The following KRT32 variants were observed in gnomAD, a reference collection of about 807,000 sequenced individuals.
The protein encoded by KRT32 is keratin 32, also known as keratin, type I cuticular Ha2.
A neutral mutation model predicts 41.8 loss-of-function variants in KRT32; 44 were observed. That is an observed-to-expected ratio of 1.05 (90% CI 0.83 to 1.35). The LOEUF is 1.35. Among genes scored for constraint, KRT32 ranks in the 40% most tolerant of loss-of-function variants. The pLI is 0.00. For synonymous variants in KRT32, 238 were observed against 242.5 expected (o/e 0.98, Z 0.17); for missense variants, 576 against 584.6 (o/e 0.99, Z 0.15).
Position 41,464,398 on chromosome 17 carries a change from C to T in KRT32, c.754G>A (p.Glu252Lys), listed in dbSNP as rs765403077. 5 of 1,603,160 alleles carry T rather than the reference C, an allele frequency of 3.1e-6. No individual in the cohort carries two copies. The highest frequency in any genetic ancestry group is 3.4e-6 in the Non-Finnish European group (4 of 1,174,618). ...RCQLGDRLNIEVDAAPPVDLT... is the reference protein window; with the variant it reads ...RCQLGDRLNIKVDAAPPVDLT... ...TCCACCGGGGGTGCAGCGTCCACCT[C>T]GATGTTAAGGCGGTCCCCAAGCTGG... The change falls in exon 4 of 7, where the codon GAG (glutamate) becomes AAG (lysine). Residue 252 changes from glutamate to lysine, a missense_variant. Coordinates refer to ENST00000225899, the MANE Select transcript of KRT32 (RefSeq NM_002278.3).
intron 1 of KRT32, among the ~76,000 whole-genome samples, 171 bp from the exon 2 acceptor site, chr17:41,466,347 G>A (rs2019068537): frequency 6.6e-6 from 1 of 152,220 alleles, no homozygotes; most frequent in African/African-American, 2.4e-5. Context: ...GCTAGTCCTT[G>A]GAGAACTTGA....
chr17:41,459,976 G>A lies in KRT32; in HGVS notation c.*134C>T. The A allele has an allele frequency of 1.1e-6, 1 of 901,770 alleles. No individual in the cohort carries two copies. 55.9% of individuals were successfully genotyped at this position (901,770 alleles called of 1,614,324 possible). A position where few individuals can be genotyped will look rare whatever the true frequency, so the allele number is the denominator to read the frequency against. ...CTTAAGTATCCCCTGGAGTATCAGA[G>A]CTTGTTGCAGGTGATCCACGGTCCT... On this transcript the variant is annotated 3_prime_UTR_variant, in exon 7 of 7. Coordinates refer to ENST00000225899, the MANE Select transcript of KRT32 (RefSeq NM_002278.3).
In KRT32 at chr17:41,464,091, G is replaced by C. The variant is rs763279345; in HGVS notation, c.983C>G (p.Ala328Gly). The stretch of plus-strand genomic sequence containing the variant: ...AGCAGCTCTCACCAGGCTGTGCTGG[G>C]CCTGCAGCTCGATCTCCAGCGTGTT... ...TVNTLEIELQ[A>G]QHSLRDSLEN... is the part of the protein sequence containing the mutation. The change falls in exon 5 of 7, where the codon GCC (alanine) becomes GGC (glycine). Residue 328 changes from alanine (A) to glycine (G), a missense_variant. Transcript: ENST00000225899. 3 of 1,600,910 alleles carry C rather than the reference G, an allele frequency of 1.9e-6. No individual in the cohort carries two copies. The highest frequency in any genetic ancestry group is 2.7e-5 in the African/African-American group (2 of 74,786).
intron 6 of KRT32, among the ~76,000 whole-genome samples, chr17:41,461,358 G>T (rs903295144): frequency 3.9e-5 from 6 of 152,164 alleles, no homozygotes; most frequent in Non-Finnish European, 7.4e-5. Context: ...AAAGGAAAAA[G>T]GATGATCTCA....
At chr17:41,466,062 C>T (rs1259018264) in intron 2 of KRT32, 32 bp downstream of exon 2, 3 of 1,611,806 alleles carry the variant, frequency 1.9e-6, no homozygotes, top group Admixed American at 3.3e-5. Context: ...AGGACAGGTC[C>T]TCCCCAGCTC....
intron 6 of KRT32, among the ~76,000 whole-genome samples, chr17:41,462,174 G>A (rs772298159): frequency 5.3e-5 from 8 of 151,682 alleles, no homozygotes; most frequent in Non-Finnish European, 7.4e-5. Context: ...CCATCTAGTG[G>A]AGAAGACACA....
chr17:41,467,174 C>G lies in KRT32; in HGVS notation c.152G>C (p.Cys51Ser). The change falls in exon 1 of 7, where the codon TGC (cysteine) becomes TCC (serine). Residue 51 changes from cysteine (C) to serine (S), a missense_variant. Cys to Ser is a moderately radical substitution (Grantham distance 112). Coordinates refer to ENST00000225899, the MANE Select transcript of KRT32 (RefSeq NM_002278.3). ...GGCTGGCCGGAAGGTGGTGGGCAGG[C>G]AGACCGAAGGCAGGCATGCCATGGG... Reference protein sequence around the residue: ...CQPMACLPSVCLPTTFRPASC... With the variant: ...CQPMACLPSVSLPTTFRPASC... 1 of 1,614,028 alleles carries G rather than the reference C, an allele frequency of 6.2e-7. No homozygotes were observed. Among genetic ancestry groups the G allele is most frequent in the Non-Finnish European group, 8.5e-7 (1 of 1,180,020 alleles).
rs145720725 is a variant in KRT32, at chr17:41,464,428, G to A, written c.724C>T (p.Arg242Ter). Reference protein sequence around the residue: ...KNHEEEVGSLRCQLGDRLNIE... With the variant: ...KNHEEEVGSL Reference sequence around the variant, plus strand: ...TTAAGGCGGTCCCCAAGCTGGCATCGAAGGGAACCGACTTCCTGAAAAGGC... The same window carrying A: ...TTAAGGCGGTCCCCAAGCTGGCATCAAAGGGAACCGACTTCCTGAAAAGGC... Residue 242 changes from arginine to a stop codon, truncating the protein, a stop_gained, in exon 4 of 7, where the codon CGA becomes TGA. Coordinates refer to ENST00000225899, the MANE Select transcript of KRT32 (RefSeq NM_002278.3). LOFTEE classifies it high-confidence loss of function. The A allele has an allele frequency of 8.4e-5, 132 of 1,568,524 alleles. No individual in the cohort carries two copies. Among genetic ancestry groups the A allele is most frequent in the African/African-American group, 4.2e-4 (31 of 73,370 alleles).
chr17:41,466,806 G>T, intron 1 of KRT32, 52 bp downstream of exon 1: 1 of 1,324,950 alleles, frequency 7.5e-7, no homozygotes. Flanking sequence ...TGGAATGCCA[G>T]CTAGTCCAGT....
Position 41,464,362 on chromosome 17 carries a change from C to T in KRT32, c.790G>A (p.Val264Met). Reference sequence around the variant, plus strand: ...TACTGACACCGCATCTCCTCCAGCACCCTGGTCAGGTCCACCGGGGGTGCA... The same window carrying T: ...TACTGACACCGCATCTCCTCCAGCATCCTGGTCAGGTCCACCGGGGGTGCA... ...DAAPPVDLTR[V>M]LEEMRCQYEA... Residue 264 changes from valine to methionine, a missense_variant, in exon 4 of 7, where the codon GTG becomes ATG. Physicochemically the swap from Val to Met is conservative, Grantham distance 21. Transcript: ENST00000225899. 1 of 1,612,812 alleles carries T rather than the reference C, an allele frequency of 6.2e-7. No individual in the cohort carries two copies. Among genetic ancestry groups the T allele is most frequent in the Non-Finnish European group, 8.5e-7 (1 of 1,179,272 alleles).
At chr17:41,460,341 G>C in intron 6 of KRT32, 102 bp from the exon 7 acceptor site, 1 of 1,401,618 alleles carries the variant, frequency 7.1e-7, no homozygotes, top group South Asian at 1.3e-5. Context: ...CCCATCTTCC[G>C]TGCTTTCTCT....
chr17:41,466,850 GC>G lies in KRT32; in HGVS notation c.468+7del. 6.3e-7 allele frequency: 1 copy of G among 1,597,974 alleles called. No homozygotes were observed. Among genetic ancestry groups the G allele is most frequent in the Non-Finnish European group, 8.6e-7 (1 of 1,167,918 alleles). On this transcript the variant is annotated splice_region_variant and intron_variant, in intron 1 of 6. Transcript: ENST00000225899. ...CAGAGAGCCTATTCACCTCACCGCTGCCCTCACCTTCTGCTGGAGCTCCTCA... is the reference window on the plus strand; with the variant it reads ...CAGAGAGCCTATTCACCTCACCGCTGCCTCACCTTCTGCTGGAGCTCCTCA...
Position 41,467,292 on chromosome 17 carries a change from G to T in KRT32, c.34C>A (p.Gln12Lys). 1 of 1,612,254 alleles carries T rather than the reference G, an allele frequency of 6.2e-7. No individual in the cohort carries two copies. The highest frequency in any genetic ancestry group is 8.5e-7 in the Non-Finnish European group (1 of 1,179,430). The change falls in exon 1 of 7, where the codon CAA becomes AAA. Residue 12 changes from glutamine (Q) to lysine (K), a missense_variant. Coordinates refer to ENST00000225899, the MANE Select transcript of KRT32 (RefSeq NM_002278.3). ...CGGGGGCAGCTCTTGAGAGAGGCTT[G>T]CAAGTTGTTGGTGACACAGCAGGAG... is the stretch of plus-strand genomic sequence containing the variant. ...TSSCCVTNNL[Q>K]ASLKSCPRPA...
At chr17:41,463,256 G>A (rs573325348) in intron 5 of KRT32, among the ~76,000 whole-genome samples, 5 of 152,356 alleles carry the variant, frequency 3.3e-5, no homozygotes, top group African/African-American at 1.2e-4. Context: ...GTTTCTGTTC[G>A]TAAATCTGAT....
At chr17:41,463,809 T>C (rs1484060170) in intron 5 of KRT32, among the ~76,000 whole-genome samples, 3 of 152,130 alleles carry the variant, frequency 2.0e-5, no homozygotes, top group Non-Finnish European at 4.4e-5. Context: ...TTGAGATCCA[T>C]AGGTTTGGAA....
At chr17:41,464,483 T>C (rs1295824794) in intron 3 of KRT32, 40 bp from the exon 4 acceptor site, 4 of 1,506,550 alleles carry the variant, frequency 2.7e-6, no homozygotes, top group African/African-American at 2.8e-5. Context: ...GTGACAATGA[T>C]AGGATCCTGG....
chr17:41,463,671 C>T (rs1008171557), intron 5 of KRT32, among the ~76,000 whole-genome samples: 2 of 151,440 alleles, frequency 1.3e-5, no homozygotes, highest in Non-Finnish European at 2.9e-5. Context: ...CATGCCACTG[C>T]TCTCCAGCCT....
Position 41,460,142 on chromosome 17 carries a change from G to T in KRT32, c.1315C>A (p.Pro439Thr), listed in dbSNP as rs192242828. ...CGGCCCTGGGGGCAGGGTGAGCAAGGCATGCCAACAGTGCGTGGCACACAG... is the reference window on the plus strand; with the variant it reads ...CGGCCCTGGGGGCAGGGTGAGCAAGTCATGCCAACAGTGCGTGGCACACAG... ...TVCVPRTVGM[P>T]CSPCPQGRY The change falls in exon 7 of 7, where the codon CCT (proline) becomes ACT (threonine). Residue 439 changes from proline to threonine, a missense_variant. Coordinates refer to ENST00000225899, the MANE Select transcript of KRT32 (RefSeq NM_002278.3). The T allele has an allele frequency of 6.2e-7, 1 of 1,613,220 alleles. No homozygotes were observed. The highest frequency in any genetic ancestry group is 1.7e-5 in the Admixed American group (1 of 59,954).
In KRT32 at chr17:41,467,129, T is replaced by C; in HGVS notation, c.197A>G (p.Tyr66Cys). 1.2e-6 allele frequency: 2 copies of C among 1,614,062 alleles called. No individual in the cohort carries two copies. Among genetic ancestry groups the C allele is most frequent in the Non-Finnish European group, 1.7e-6 (2 of 1,180,024 alleles). ...GGCTGCCTGGCAGGAACTGGATAGA[T>C]AGGTTTTGGAGAGGCAGCTGGCTGG... is the stretch of plus-strand genomic sequence containing the variant. ...FRPASCLSKT[Y>C]LSSSCQAASG... Residue 66 changes from tyrosine to cysteine, a missense_variant, in exon 1 of 7, where the codon TAT (tyrosine) becomes TGT (cysteine). Physicochemically the swap from Tyr to Cys is radical, Grantham distance 194. Coordinates refer to ENST00000225899, the MANE Select transcript of KRT32 (RefSeq NM_002278.3).
Sources: gnomAD v4.1 joint callset for allele counts (sites outside exome capture counted in the v4.1 genomes callset) on GRCh38, gnomAD v4.1.1 for gene constraint, MANE v1.5 for transcripts, NCBI Gene and HGNC (gene_info 2026-07-23, HGNC 2026-07-21) for gene names.